The following ST6GALNAC3 variants were observed in gnomAD, a reference collection of about 807,000 sequenced individuals.
ST6GALNAC3 encodes the protein alpha-N-acetylgalactosaminide alpha-2,6-sialyltransferase 3.
A neutral mutation model predicts 32.7 loss-of-function variants in ST6GALNAC3; 25 were observed. The observed-to-expected ratio is 0.76, with a 90% CI of 0.56 to 1.07. The LOEUF is 1.07. Ranked by LOEUF, ST6GALNAC3 falls within the 50% of genes least tolerant of loss-of-function variation. The probability of loss-of-function intolerance (pLI) is 0.00; values close to 1 mark genes in which losing one functional copy is unlikely to be tolerated. For synonymous variants in ST6GALNAC3, 129 were observed against 133.1 expected (o/e 0.97, Z 0.21); for missense variants, 355 against 382.4 (o/e 0.93, Z 0.60).
At chr1:76,154,121 C>T (rs1651234096) in intron 1 of ST6GALNAC3, among the ~76,000 whole-genome samples, 1 of 152,130 alleles carries the variant, frequency 6.6e-6, no homozygotes, top group Non-Finnish European at 1.5e-5. Context: ...AGTCATTTCA[C>T]CCCTGGAATT....
chr1:76,488,019 C>T (rs1208064628), intron 3 of ST6GALNAC3, among the ~76,000 whole-genome samples: 1 of 152,142 alleles, frequency 6.6e-6, no homozygotes, highest in Non-Finnish European at 1.5e-5. Flanking sequence ...TGGGTATCAG[C>T]AGCGGAGGCT....
At chr1:76,199,543 A>AT (rs1654404503) in intron 1 of ST6GALNAC3, among the ~76,000 whole-genome samples, 1 of 152,190 alleles carries the variant, frequency 6.6e-6, no homozygotes, top group African/African-American at 2.4e-5. Context: ...ATATTGTATA[A>AT]TTTTTTCCAG....
chr1:76,517,443 A>G lies in ST6GALNAC3; in HGVS notation c.623+105026A>G, dbSNP rs116883105. Among the ~76,000 whole-genome samples, 21 of 151,834 alleles carry G rather than the reference A, an allele frequency of 1.4e-4. No individual in the cohort carries two copies. The East Asian group carries it at 3.5e-3, about 25-fold the overall frequency. On this transcript the variant is annotated intron_variant, in intron 3 of 4. Transcript: ENST00000328299. ...ATCTAACTTTTATATAGTTTTTCATAAACTTGTCAATTTTTTATAGATTTT... is the reference window on the plus strand; with the variant it reads ...ATCTAACTTTTATATAGTTTTTCATGAACTTGTCAATTTTTTATAGATTTT...
At chr1:76,200,442 C>A (rs1654451415) in intron 1 of ST6GALNAC3, among the ~76,000 whole-genome samples, 1 of 152,086 alleles carries the variant, frequency 6.6e-6, no homozygotes, top group Admixed American at 6.5e-5. Context: ...TGAAAGATCC[C>A]TCTATCTTTC....
chr1:76,414,919 G>A (rs1356681342), intron 3 of ST6GALNAC3, among the ~76,000 whole-genome samples: 1 of 151,846 alleles, frequency 6.6e-6, no homozygotes, highest in South Asian at 2.1e-4. Flanking sequence ...TTCATAGTTT[G>A]TTTTAATTAG....
intron 2 of ST6GALNAC3, among the ~76,000 whole-genome samples, chr1:76,407,658 G>A (rs1653927428): frequency 6.6e-6 from 1 of 151,140 alleles, no homozygotes; most frequent in Non-Finnish European, 1.5e-5. Flanking sequence ...GAGACAAGAT[G>A]AAGAAGACAA....
intron 3 of ST6GALNAC3, among the ~76,000 whole-genome samples, chr1:76,441,876 C>T (rs1373922010): frequency 6.6e-6 from 1 of 152,190 alleles, no homozygotes; most frequent in Non-Finnish European, 1.5e-5. Context: ...CCTGAGGACA[C>T]ATATTAAAAG....
At chr1:76,477,920 G>A (rs61771553) in intron 3 of ST6GALNAC3, among the ~76,000 whole-genome samples, 30,307 of 151,996 alleles carry the variant, frequency 0.2, 3,503 homozygotes, top group African/African-American at 0.32. Flanking sequence ...CTCTGTTCTC[G>A]ATCACTTTTG....
At chr1:76,371,394 A>G (rs940476729) in intron 2 of ST6GALNAC3, among the ~76,000 whole-genome samples, 2 of 152,210 alleles carry the variant, frequency 1.3e-5, no homozygotes, top group African/African-American at 4.8e-5. Flanking sequence ...ATGACATTGA[A>G]TAAGGGGAAG....
intron 3 of ST6GALNAC3, among the ~76,000 whole-genome samples, chr1:76,485,231 C>G (rs562419566): frequency 5.2e-4 from 79 of 152,264 alleles, no homozygotes; most frequent in Middle Eastern, 3.4e-3. Flanking sequence ...ATGATGCTGG[C>G]CTCATAAAAT....
chr1:76,247,102 A>C (rs2100685652), intron 1 of ST6GALNAC3, among the ~76,000 whole-genome samples: 1 of 152,278 alleles, frequency 6.6e-6, no homozygotes, highest in Middle Eastern at 3.4e-3. Flanking sequence ...CCACTCCAGA[A>C]CTTGTTCACC....
chr1:76,623,094 G>C (rs553372880), intron 3 of ST6GALNAC3, among the ~76,000 whole-genome samples: 1 of 151,812 alleles, frequency 6.6e-6, no homozygotes, highest in Non-Finnish European at 1.5e-5. Flanking sequence ...ATGGCCTTTC[G>C]ACATGAAGGA....
intron 3 of ST6GALNAC3, among the ~76,000 whole-genome samples, chr1:76,477,826 T>C (rs1659453741): frequency 6.6e-6 from 1 of 152,166 alleles, no homozygotes; most frequent in Non-Finnish European, 1.5e-5. Flanking sequence ...CAGTTCTAAG[T>C]ACTGAAGACA....
chr1:76,112,188 C>T (rs1382709752), intron 1 of ST6GALNAC3, among the ~76,000 whole-genome samples: 2 of 141,208 alleles, frequency 1.4e-5, no homozygotes, highest in African/African-American at 2.7e-5. Context: ...CCAGTAGGGG[C>T]GGCCGGGCAG....
At chr1:76,366,028 G>A (rs1418345816) in intron 2 of ST6GALNAC3, among the ~76,000 whole-genome samples, 1 of 152,122 alleles carries the variant, frequency 6.6e-6, no homozygotes, top group Non-Finnish European at 1.5e-5. Flanking sequence ...ACTTCAGACT[G>A]AGTCTTTCTC....
At chr1:76,385,644 G>A (rs1377896952) in intron 2 of ST6GALNAC3, among the ~76,000 whole-genome samples, 5 of 152,032 alleles carry the variant, frequency 3.3e-5, no homozygotes, top group South Asian at 2.1e-4. Flanking sequence ...TTGGAGGATC[G>A]GATCATTCCT....
At chr1:76,277,590 G>GTA (rs373731545) in intron 1 of ST6GALNAC3, among the ~76,000 whole-genome samples, 7,950 of 45,392 alleles carry the variant, frequency 0.18, 352 homozygotes, top group East Asian at 0.33. Flanking sequence ...ATGTTTATGT[G>GTA]TATATATATA....
At chr1:76,095,450 G>A (rs1019227909) in intron 1 of ST6GALNAC3, among the ~76,000 whole-genome samples, 5 of 152,126 alleles carry the variant, frequency 3.3e-5, no homozygotes, top group African/African-American at 1.2e-4. Context: ...AGAAAGACTG[G>A]TTAATTCACT....
chr1:76,345,676 A>G (rs959575262), intron 2 of ST6GALNAC3, among the ~76,000 whole-genome samples: 1 of 151,958 alleles, frequency 6.6e-6, no homozygotes, highest in African/African-American at 2.4e-5. Context: ...TTGTCATCCT[A>G]TGCTCAAAAT....
Sources: allele counts gnomAD v4.1 joint callset (sites outside exome capture counted in the v4.1 genomes callset), GRCh38; gene constraint gnomAD v4.1.1; transcripts MANE v1.5; gene names NCBI Gene and HGNC (gene_info 2026-07-23, HGNC 2026-07-21).